Variants in ARNT observed in about 807,000 individuals in gnomAD.
The protein encoded by ARNT is class E basic helix-loop-helix protein 2.
Under a neutral mutation model 105.0 loss-of-function variants are expected in ARNT, and 30 were observed. The ratio of observed to expected loss-of-function variants is 0.29; its 90% CI spans 0.21 to 0.39. The LOEUF (loss-of-function observed/expected upper bound fraction) is 0.39. ARNT is among the 10% of genes least tolerant of loss of function. The pLI, the probability that ARNT is intolerant of heterozygous loss-of-function variation, is 1.00. For missense variants in ARNT, 748 were observed against 978.7 expected, an observed-to-expected ratio of 0.76 and a Z score of 3.15; for synonymous variants, 304 against 344.0, an observed-to-expected ratio of 0.88 and a Z score of 1.29.
At chr1:150,813,972 A>C (rs1311350971) in intron 20 of ARNT, 105 bp downstream of exon 20, 1 of 1,402,824 alleles carries the variant, frequency 7.1e-7, no homozygotes, top group African/African-American at 1.4e-5. Context: ...ATTTCCCTAC[A>C]ATCAGGTCAG....
intron 5 of ARNT, among the ~76,000 whole-genome samples, chr1:150,841,111 GTTTTTTT>G (rs76764447): frequency 1.4e-5 from 2 of 140,720 alleles, no homozygotes; most frequent in Admixed American, 1.4e-4. Flanking sequence ...ACCACGCCCA[GTTTTTTT>G]TTTTTTTATT....
At chr1:150,863,248 G>A (rs1393055873) in intron 1 of ARNT, among the ~76,000 whole-genome samples, 1 of 151,226 alleles carries the variant, frequency 6.6e-6, no homozygotes, top group Non-Finnish European at 1.5e-5. Context: ...TATAATCCCA[G>A]CTACTTGGGA....
intron 2 of ARNT, among the ~76,000 whole-genome samples, chr1:150,853,519 A>G (rs587609722): frequency 6.6e-6 from 1 of 152,222 alleles, no homozygotes; most frequent in Non-Finnish European, 1.5e-5. Flanking sequence ...ACATCTTTCA[A>G]AGCAGTGATC....
At chr1:150,874,521 C>T (rs1433519753) in intron 1 of ARNT, among the ~76,000 whole-genome samples, 1 of 151,896 alleles carries the variant, frequency 6.6e-6, no homozygotes, top group African/African-American at 2.4e-5. Flanking sequence ...TCTGTCTCTA[C>T]AAAAAAATTT....
rs186186749 is a variant in ARNT at position 150,865,442 on chromosome 1, G to C, written c.26-6982C>G. Among the ~76,000 whole-genome samples, 26 of 152,268 alleles carry C rather than the reference G, an allele frequency of 1.7e-4. 1 individual carries two copies. The East Asian group carries it at 4.2e-3, about 25-fold the overall frequency. ...GAAAACCAACTCAATTTACGCTATGGAATTCCCCAAAGTCTCAGAAGCTGG... is the reference window on the plus strand; with the variant it reads ...GAAAACCAACTCAATTTACGCTATGCAATTCCCCAAAGTCTCAGAAGCTGG... On this transcript the variant is annotated intron_variant, in intron 1 of 21. Coordinates refer to ENST00000358595, the MANE Select transcript of ARNT (RefSeq NM_001668.4).
Position 150,825,902 on chromosome 1 carries a change from T to C in ARNT, c.1242+641A>G, listed in dbSNP as rs368945396. On this transcript the variant is annotated intron_variant, in intron 13 of 21. Transcript: ENST00000358595. ...TTTCTACTACAAGCTTAGTGAAGTA[T>C]ACAATTTTCTTTTTTATCTTTTTTT... Among the ~76,000 whole-genome samples the C allele has an allele frequency of 4.6e-5, 7 of 151,136 alleles. No individual in the cohort carries two copies. In the South Asian group the frequency reaches 1.0e-3, roughly 23 times the overall value.
Position 150,864,883 on chromosome 1 carries a change from C to CAAA in ARNT, c.26-6426_26-6424dup, listed in dbSNP as rs587599690. Among the ~76,000 whole-genome samples, 35 of 75,704 alleles carry CAAA rather than the reference C, an allele frequency of 4.6e-4. 1 individual carries two copies. The highest frequency in any genetic ancestry group is 1.4e-3 in the African/African-American group (34 of 24,668). The allele number at this position is 75,704 out of a possible 152,430, so 49.7% of individuals were successfully genotyped here. A position where few individuals can be genotyped will look rare whatever the true frequency, so the allele number is the denominator to read the frequency against. ...GAAAACAAAATGGTTTTCTTTAAAT[C>CAAA]AAAAAAAAAAAAAAAAAGAAAGAAA... On this transcript the variant is annotated intron_variant, in intron 1 of 21. Coordinates refer to ENST00000358595, the MANE Select transcript of ARNT (RefSeq NM_001668.4).
At chr1:150,838,797 A>G (rs1660767690) in intron 6 of ARNT, among the ~76,000 whole-genome samples, 1 of 152,194 alleles carries the variant, frequency 6.6e-6, no homozygotes, top group African/African-American at 2.4e-5. Context: ...TAGCCATTCT[A>G]TTCACTTTAG....
intron 1 of ARNT, among the ~76,000 whole-genome samples, chr1:150,872,453 T>G (rs1667600384): frequency 6.6e-6 from 1 of 152,248 alleles, no homozygotes; most frequent in South Asian, 2.1e-4. Context: ...ACCCTTTTCC[T>G]TCTACATTCT....
chr1:150,839,857 A>T (rs1455799466), intron 5 of ARNT, among the ~76,000 whole-genome samples: 1 of 152,192 alleles, frequency 6.6e-6, no homozygotes, highest in African/African-American at 2.4e-5. Flanking sequence ...GCAGACAGAG[A>T]ACAAGAAGAT....
At position 150,823,121 on chromosome 1, in the gene ARNT, A is replaced by T. The variant is rs915668114; in HGVS notation, c.1394+73T>A. ...TTGCTTGATTGTTTACCCCCCACAT[A>T]GGGCATCAGAAGTGTTTTCTGTTGT... On this transcript the variant is annotated intron_variant, in intron 14 of 21. Transcript: ENST00000358595. 3 of 1,361,290 alleles carry T rather than the reference A, an allele frequency of 2.2e-6. No homozygotes were observed. The African/African-American group carries it at 4.4e-5, about 20-fold the overall frequency. The allele number at this position is 1,361,290 out of a possible 1,614,324, so 84.3% of individuals were successfully genotyped here. A position where few individuals can be genotyped will look rare whatever the true frequency, so the allele number is the denominator to read the frequency against.
chr1:150,830,619 C>G (rs587681358), intron 10 of ARNT, among the ~76,000 whole-genome samples: 77 of 152,224 alleles, frequency 5.1e-4, no homozygotes, highest in African/African-American at 1.8e-3. Flanking sequence ...CATTCTATGA[C>G]CATGTTATAG....
rs1654677964 is a variant in ARNT at position 150,811,352 on chromosome 1, C to T, written c.*669G>A. ...GGAAAATACCTGGAAGATTTAACTC[C>T]TTAGGACTCTTTGAAAAGTACACAG... On this transcript the variant is annotated 3_prime_UTR_variant, in exon 22 of 22. Coordinates refer to ENST00000358595, the MANE Select transcript of ARNT (RefSeq NM_001668.4). The T allele has an allele frequency of 4.3e-6, 1 of 233,446 alleles. No homozygotes were observed. Among genetic ancestry groups the T allele is most frequent in the Non-Finnish European group, 8.5e-6 (1 of 117,914 alleles). 14.5% of individuals were successfully genotyped at this position (233,446 alleles called of 1,614,324 possible).
At chr1:150,869,646 G>A (rs1242403505) in intron 1 of ARNT, among the ~76,000 whole-genome samples, 1 of 150,706 alleles carries the variant, frequency 6.6e-6, no homozygotes, top group Non-Finnish European at 1.5e-5. Context: ...AGCAAGCTCA[G>A]AGATCCTCCC....
rs10305687 is a variant in ARNT, at chr1:150,838,330, T to C, written c.486+1111A>G. ...AGGATTCATTACAGCACTTCTATTA[T>C]AGAACTAGTTCTATGTTTAATTTAT... On this transcript the variant is annotated intron_variant, in intron 6 of 21. Coordinates refer to ENST00000358595, the MANE Select transcript of ARNT (RefSeq NM_001668.4). 3.3e-3 allele frequency among the ~76,000 whole-genome samples: 497 copies of C among 152,338 alleles called. 2 individuals carry two copies. The highest frequency in any genetic ancestry group is 0.011 in the African/African-American group (474 of 41,590).
chr1:150,863,792 G>A (rs1666074164), intron 1 of ARNT, among the ~76,000 whole-genome samples: 1 of 151,680 alleles, frequency 6.6e-6, no homozygotes, highest in Non-Finnish European at 1.5e-5. Context: ...TCCAGCCTGG[G>A]CAACAAGAGC....
At chr1:150,828,165 T>G (rs1372044436) in intron 12 of ARNT, among the ~76,000 whole-genome samples, 1 of 152,152 alleles carries the variant, frequency 6.6e-6, no homozygotes, top group African/African-American at 2.4e-5. Context: ...TTTATAATTT[T>G]TTTTCTTCTG....
At chr1:150,844,627 A>C (rs2102023361) in intron 4 of ARNT, among the ~76,000 whole-genome samples, 1 of 152,344 alleles carries the variant, frequency 6.6e-6, no homozygotes, top group Non-Finnish European at 1.5e-5. Flanking sequence ...AGGTAGCTAC[A>C]AACTTAATTT....
At chr1:150,823,080 C>T (rs1345486099) in intron 14 of ARNT, 114 bp downstream of exon 14, 2 of 1,148,362 alleles carry the variant, frequency 1.7e-6, no homozygotes, top group Non-Finnish European at 2.3e-6. Flanking sequence ...CCACGCCCGG[C>T]TAAATTTTTG....
Sources: gnomAD v4.1 joint callset for allele counts (sites outside exome capture counted in the v4.1 genomes callset) on GRCh38, gnomAD v4.1.1 for gene constraint, MANE v1.5 for transcripts, NCBI Gene and HGNC (gene_info 2026-07-23, HGNC 2026-07-21) for gene names.